The following DDX39A variants were observed in gnomAD, a reference collection of about 807,000 sequenced individuals.
DDX39A encodes the protein ATP-dependent RNA helicase DDX39A.
A neutral mutation model predicts 46.3 loss-of-function variants in DDX39A; 13 were observed. That is an observed-to-expected ratio of 0.28 (90% CI 0.18 to 0.45). DDX39A has a LOEUF of 0.45. Among genes scored for constraint, DDX39A ranks in the 20% least tolerant of loss-of-function variants. The probability of loss-of-function intolerance (pLI) is 1.00; values close to 1 mark genes in which losing one functional copy is unlikely to be tolerated. For synonymous variants in DDX39A, 234 were observed against 224.6 expected, an observed-to-expected ratio of 1.04 and a Z score of -0.38; for missense variants, 352 against 581.8, an observed-to-expected ratio of 0.61 and a Z score of 4.06.
chr19:14,414,451 C>T (rs1371263854), intron 1 of DDX39A, among the ~76,000 whole-genome samples: 1 of 149,600 alleles, frequency 6.7e-6, no homozygotes, highest in African/African-American at 2.4e-5. Flanking sequence ...CTCCAGGGTT[C>T]AAGATTCTCC....
At chr19:14,415,763 CAG>C (rs1976787062) in intron 1 of DDX39A, among the ~76,000 whole-genome samples, 1 of 151,920 alleles carries the variant, frequency 6.6e-6, no homozygotes, top group Non-Finnish European at 1.5e-5. Context: ...CCAGAGCAGC[CAG>C]AAAGACCCTA....
In DDX39A at chr19:14,408,847, A is replaced by G; in HGVS notation, c.*89T>C. ...CATAATAACAAGTTTATTCTCATACAATCTCTAGCTTCTCAACAGTGGCGC... is the reference window on the plus strand; with the variant it reads ...CATAATAACAAGTTTATTCTCATACGATCTCTAGCTTCTCAACAGTGGCGC... On this transcript the variant is annotated 3_prime_UTR_variant, in exon 11 of 11. Transcript: ENST00000242776. 22 of 1,500,134 alleles carry G rather than the reference A, an allele frequency of 1.5e-5. No homozygotes were observed. The highest frequency in any genetic ancestry group is 1.8e-5 in the Non-Finnish European group (20 of 1,120,506). The allele number at this position is 1,500,134 out of a possible 1,614,324, so 92.9% of individuals were successfully genotyped here. A position where few individuals can be genotyped will look rare whatever the true frequency, so the allele number is the denominator to read the frequency against.
intron 1 of DDX39A, among the ~76,000 whole-genome samples, chr19:14,415,306 T>G (rs1240516895): frequency 6.6e-6 from 1 of 152,130 alleles, no homozygotes; most frequent in Admixed American, 6.5e-5. Flanking sequence ...TCCTTTTTTT[T>G]CCCCCCTCTT....
rs999794081 is a variant in DDX39A at position 14,410,917 on chromosome 19, G to A, written c.613+72C>T. 1 of 1,415,548 alleles carries A rather than the reference G, an allele frequency of 7.1e-7. No individual in the cohort carries two copies. The highest frequency in any genetic ancestry group is 2.5e-5 in the Admixed American group (1 of 39,400). The allele number at this position is 1,415,548 out of a possible 1,614,324, so 87.7% of individuals were successfully genotyped here. A position where few individuals can be genotyped will look rare whatever the true frequency, so the allele number is the denominator to read the frequency against. On this transcript the variant is annotated intron_variant, in intron 5 of 10. Coordinates refer to ENST00000242776, the MANE Select transcript of DDX39A (RefSeq NM_005804.4). The surrounding 1 kb of genome is among the most constrained non-coding windows in gnomAD (Gnocchi z 4.3). ...CCGGCCGCCCATGTAACCCACTCAA[G>A]AGCCTTCCGCCTGCTATGGGGCCCG... is the stretch of plus-strand genomic sequence containing the variant.
chr19:14,413,265 A>G, intron 1 of DDX39A, 41 bp from the exon 2 acceptor site: 4 of 1,546,820 alleles, frequency 2.6e-6, no homozygotes, highest in Non-Finnish European at 3.5e-6. Context: ...GTGGGCACAG[A>G]AGGATGATGA....
chr19:14,413,101 G>A lies in DDX39A; in HGVS notation c.120C>T (p.Ser40=), dbSNP rs2146390493. 9 of 1,614,174 alleles carry A rather than the reference G, an allele frequency of 5.6e-6. No individual in the cohort carries two copies. In the South Asian group the frequency reaches 8.8e-5, roughly 16 times the overall value. Residue 40 remains serine, a synonymous_variant, in exon 2 of 11, where the codon TCC becomes TCT. Coordinates refer to ENST00000242776, the MANE Select transcript of DDX39A (RefSeq NM_005804.4). ...AGTCCCGGAAGCCAGAGCTGTGGAT[G>A]GAAACGTAGGATCCCTTGATGTCTT... ...PKKDIKGSYV[S]IHSSGFRDFL... is the part of the protein sequence containing the mutation.
At chr19:14,417,020 G>A (rs1209251449) in intron 1 of DDX39A, among the ~76,000 whole-genome samples, 1 of 152,128 alleles carries the variant, frequency 6.6e-6, no homozygotes, top group African/African-American at 2.4e-5. Context: ...ATAGGGAACT[G>A]CTAATTAGAT....
At position 14,409,714 on chromosome 19, in the gene DDX39A, C is replaced by A. The variant is rs770515371; in HGVS notation, c.864+28G>T. 6.2e-7 allele frequency: 1 copy of A among 1,613,532 alleles called. No individual in the cohort carries two copies. The highest frequency in any genetic ancestry group is 1.7e-5 in the Admixed American group (1 of 60,006). On this transcript the variant is annotated intron_variant, in intron 7 of 10. Transcript: ENST00000242776. The surrounding 1 kb of genome is among the most constrained non-coding windows in gnomAD (Gnocchi z 8.3). Reference sequence around the variant, plus strand: ...CCAGTGACCTCCCGAAGGTCCTGAGCCCCAGGACAGGCTGATGGAAGTATC... The same window carrying A: ...CCAGTGACCTCCCGAAGGTCCTGAGACCCAGGACAGGCTGATGGAAGTATC...
chr19:14,413,403 C>A (rs1420842889), intron 1 of DDX39A, among the ~76,000 whole-genome samples, 179 bp from the exon 2 acceptor site: 5 of 151,984 alleles, frequency 3.3e-5, no homozygotes, highest in African/African-American at 1.2e-4. Flanking sequence ...ATCTCTCCCC[C>A]ATGCCCCTCT....
upstream of DDX39A, chr19:14,419,355 C>A (rs543515479): frequency 7.4e-5 from 16 of 216,954 alleles, no homozygotes; most frequent in South Asian, 7.2e-4. Flanking sequence ...AGTTGCTGCG[C>A]TTCCTGCCTC....
chr19:14,411,241 C>T lies in DDX39A; in HGVS notation c.430-69G>A. The stretch of plus-strand genomic sequence containing the variant: ...CAAGGCCCCAACCTGCACGGCCCAG[C>T]ACCTGCGAACAGGAGGCCTCAGGGG... On this transcript the variant is annotated intron_variant, in intron 4 of 10. Transcript: ENST00000242776. This position sits in a 1 kb window ranked among gnomAD's most constrained non-coding sequence, Gnocchi z 4.1. 2.0e-6 allele frequency: 3 copies of T among 1,494,884 alleles called. No individual in the cohort carries two copies. Among genetic ancestry groups the T allele is most frequent in the Non-Finnish European group, 2.7e-6 (3 of 1,118,072 alleles). The allele number at this position is 1,494,884 out of a possible 1,614,324, so 92.6% of individuals were successfully genotyped here. A position where few individuals can be genotyped will look rare whatever the true frequency, so the allele number is the denominator to read the frequency against.
chr19:14,415,918 C>CA, intron 1 of DDX39A: 1 of 173,104 alleles, frequency 5.8e-6, no homozygotes, highest in Non-Finnish European at 1.3e-5. Flanking sequence ...CTAAAAATAC[C>CA]AAAAATGTGC....
At position 14,408,866 on chromosome 19, in the gene DDX39A, G is replaced by A. The variant is rs1568323409; in HGVS notation, c.*70C>T. ...TCATACAATCTCTAGCTTCTCAACA[G>A]TGGCGCCTGGAAAGGGGAGGTGAAG... On this transcript the variant is annotated 3_prime_UTR_variant, in exon 11 of 11. Transcript: ENST00000242776. The A allele has an allele frequency of 4.6e-6, 7 of 1,524,528 alleles. No homozygotes were observed. The highest frequency in any genetic ancestry group is 2.8e-5 in the African/African-American group (2 of 71,986). The allele number at this position is 1,524,528 out of a possible 1,614,324, so 94.4% of individuals were successfully genotyped here. A position where few individuals can be genotyped will look rare whatever the true frequency, so the allele number is the denominator to read the frequency against.
Position 14,413,244 on chromosome 19 carries a change from G to A in DDX39A, c.-4-20C>T. ...ATGATGCTGAGAAGAGAGAGAGGCA[G>A]GGTCCCGCGAGTGGGCACAGAAGGA... On this transcript the variant is annotated intron_variant, in intron 1 of 10. Coordinates refer to ENST00000242776, the MANE Select transcript of DDX39A (RefSeq NM_005804.4). The A allele has an allele frequency of 6.2e-7, 1 of 1,607,740 alleles. No individual in the cohort carries two copies. The highest frequency in any genetic ancestry group is 8.5e-7 in the Non-Finnish European group (1 of 1,176,276).
In DDX39A at chr19:14,413,666, C is replaced by T. The variant is rs905791803; in HGVS notation, c.-4-442G>A. 8.5e-5 allele frequency among the ~76,000 whole-genome samples: 13 copies of T among 152,234 alleles called. No homozygotes were observed. The East Asian group carries it at 2.5e-3, about 29-fold the overall frequency. ...GCACAAATGCCTCCTTCTCCACACG[C>T]AAGCCTCAGCTCCAGTGAACCTCCT... On this transcript the variant is annotated intron_variant, in intron 1 of 10. Transcript: ENST00000242776.
Position 14,412,904 on chromosome 19 carries a change from G to T in DDX39A, c.208+109C>A. The T allele has an allele frequency of 7.4e-7, 1 of 1,357,822 alleles. No homozygotes were observed. The highest frequency in any genetic ancestry group is 1.0e-6 in the Non-Finnish European group (1 of 989,610). The allele number at this position is 1,357,822 out of a possible 1,614,324, so 84.1% of individuals were successfully genotyped here. On this transcript the variant is annotated intron_variant, in intron 2 of 10. Coordinates refer to ENST00000242776, the MANE Select transcript of DDX39A (RefSeq NM_005804.4). This position sits in a 1 kb window ranked among gnomAD's most constrained non-coding sequence, Gnocchi z 4.4. The stretch of plus-strand genomic sequence containing the variant: ...GCACAACTGATCCGCGGGACAGACG[G>T]GCCCCTCCCTCACCCACGGCAAACT...
rs555181975 is a variant in DDX39A at position 14,417,065 on chromosome 19, A to G, written c.-5+2205T>C. The stretch of plus-strand genomic sequence containing the variant: ...GCCACTCAATCAGGATCTGCCCAAG[A>G]GTACTGTAACTTACTCCTCCGATGA... On this transcript the variant is annotated intron_variant, in intron 1 of 10. Transcript: ENST00000242776. Among the ~76,000 whole-genome samples, 350 of 152,328 alleles carry G rather than the reference A, an allele frequency of 2.3e-3. 2 individuals are homozygous for G. The highest frequency in any genetic ancestry group is 8.2e-3 in the African/African-American group (339 of 41,580).
chr19:14,412,871 C>T lies in DDX39A; in HGVS notation c.208+142G>A. ...CCCACTGCCGAGGGCAGCCACAGGCCCCGCTGGGCACAACTGATCCGCGGG... is the reference window on the plus strand; with the variant it reads ...CCCACTGCCGAGGGCAGCCACAGGCTCCGCTGGGCACAACTGATCCGCGGG... On this transcript the variant is annotated intron_variant, in intron 2 of 10. Transcript: ENST00000242776. This position sits in a 1 kb window ranked among gnomAD's most constrained non-coding sequence, Gnocchi z 4.4. 1 of 1,262,616 alleles carries T rather than the reference C, an allele frequency of 7.9e-7. No individual in the cohort carries two copies. The highest frequency in any genetic ancestry group is 1.9e-4 in the Middle Eastern group (1 of 5,138). The allele number at this position is 1,262,616 out of a possible 1,614,324, so 78.2% of individuals were successfully genotyped here. A position where few individuals can be genotyped will look rare whatever the true frequency, so the allele number is the denominator to read the frequency against.
At chr19:14,414,213 G>A (rs981645653) in intron 1 of DDX39A, among the ~76,000 whole-genome samples, 3 of 151,918 alleles carry the variant, frequency 2.0e-5, no homozygotes, top group Non-Finnish European at 2.9e-5. Flanking sequence ...TTGTCTCAAT[G>A]GCTGTTTTCT....
Sources: gnomAD v4.1 joint callset for allele counts (sites outside exome capture counted in the v4.1 genomes callset) on GRCh38, gnomAD v4.1.1 for gene constraint, Gnocchi (gnomAD v3.1) non-coding constraint, MANE v1.5 for transcripts, NCBI Gene and HGNC (gene_info 2026-07-23, HGNC 2026-07-21) for gene names.